The following PI4KA variants were observed in gnomAD, a reference collection of about 807,000 sequenced individuals.
PI4KA encodes the protein phosphatidylinositol 4-kinase alpha.
PI4KA carries 122 observed loss-of-function variants against 271.4 expected under a neutral mutation model. The ratio of observed to expected loss-of-function variants is 0.45; its 90% CI spans 0.39 to 0.52. The LOEUF is 0.52. PI4KA is among the 20% of genes least tolerant of loss of function. The pLI is 0.00. For synonymous variants in PI4KA, 1,041 were observed against 1,078.8 expected, an observed-to-expected ratio of 0.96 and a Z score of 0.69; for missense variants, 1,969 against 2,769.1, an observed-to-expected ratio of 0.71 and a Z score of 6.48.
intron 17 of PI4KA, among the ~76,000 whole-genome samples, chr22:20,797,854 C>T (rs1490403284): frequency 6.6e-6 from 1 of 152,122 alleles, no homozygotes; most frequent in East Asian, 1.9e-4. Context: ...AGAAGAGTAA[C>T]GCCTGCAAAG....
intron 1 of PI4KA, among the ~76,000 whole-genome samples, chr22:20,854,643 G>A (rs546832503): frequency 6.6e-6 from 1 of 152,230 alleles, no homozygotes; most frequent in African/African-American, 2.4e-5. Context: ...GTCTGGTTCT[G>A]CAAACTTAGC....
intron 9 of PI4KA, among the ~76,000 whole-genome samples, chr22:20,809,654 T>A (rs954821393): frequency 2.6e-5 from 4 of 152,052 alleles, no homozygotes; most frequent in African/African-American, 9.7e-5. Context: ...ACACTTATGA[T>A]GGAAAACCAA....
intron 17 of PI4KA, among the ~76,000 whole-genome samples, chr22:20,796,660 A>T (rs1490028008): frequency 6.6e-6 from 1 of 152,260 alleles, no homozygotes; most frequent in Admixed American, 6.5e-5. Flanking sequence ...GCCCATGCCC[A>T]GGCATTCCAG....
chr22:20,747,696 G>T lies in PI4KA; in HGVS notation c.3250C>A (p.Leu1084Met), dbSNP rs761811312. ...GATACCCAGTTCTGATGTTTGTTCA[G>T]ATATTCCTGAAATAGGAAAAACACA... The part of the protein sequence containing the change: ...TVTKSHLQEY[L>M]NKHQNWVSGL... Residue 1084 changes from leucine to methionine, a missense_variant, in exon 29 of 55, where the codon CTG becomes ATG. By Grantham distance (15) the Leu-to-Met change is conservative. Transcript: ENST00000255882. The T allele has an allele frequency of 2.1e-5, 34 of 1,612,790 alleles. No homozygotes were observed. Among genetic ancestry groups the T allele is most frequent in the Non-Finnish European group, 2.1e-5 (25 of 1,179,088 alleles).
At chr22:20,771,013 T>C (rs2147431123) in intron 19 of PI4KA, among the ~76,000 whole-genome samples, 1 of 152,206 alleles carries the variant, frequency 6.6e-6, no homozygotes, top group South Asian at 2.1e-4. Context: ...GACCCCGCTT[T>C]TTTCTAACTA....
intron 29 of PI4KA, among the ~76,000 whole-genome samples, chr22:20,745,667 C>T (rs1479537328): frequency 6.6e-6 from 1 of 152,124 alleles, no homozygotes; most frequent in Non-Finnish European, 1.5e-5. Context: ...CGGTCTTTGG[C>T]ACCAAGCAGG....
chr22:20,815,764 G>A (rs1383510627), intron 7 of PI4KA, among the ~76,000 whole-genome samples: 2 of 152,088 alleles, frequency 1.3e-5, no homozygotes, highest in Non-Finnish European at 2.9e-5. Flanking sequence ...AAGGGTAGAT[G>A]AGGGAGAAGG....
At position 20,801,982 on chromosome 22, in the gene PI4KA, T is replaced by C. The variant is rs1178076536; in HGVS notation, c.1715A>G (p.Asn572Ser). Residue 572 changes from asparagine to serine, a missense_variant, in exon 14 of 55, where the codon AAC (asparagine) becomes AGC (serine). By Grantham distance (46) the Asn-to-Ser change is conservative. Around this residue, in one of 13 missense-constraint regions of PI4KA, gnomAD observed 228 missense variants for 261.6 expected, o/e 0.87. Transcript: ENST00000255882. ...TTGCCCAGCTTCCCACCTGCAGATG[T>C]TGTCAATAGCGATGTCTCGGAGCTG... ...YEQLRDIAIDNICRCLKAGLT... is the reference protein window; with the variant it reads ...YEQLRDIAIDSICRCLKAGLT... 6.2e-7 allele frequency: 1 copy of C among 1,614,116 alleles called. No individual in the cohort carries two copies. The highest frequency in any genetic ancestry group is 8.5e-7 in the Non-Finnish European group (1 of 1,179,986).
At chr22:20,852,268 A>G (rs2147824755) in intron 1 of PI4KA, among the ~76,000 whole-genome samples, 1 of 152,378 alleles carries the variant, frequency 6.6e-6, no homozygotes, top group South Asian at 2.1e-4. Flanking sequence ...CTGCAAACAC[A>G]GACAGCAGAA....
chr22:20,751,191 G>A (rs756131325), intron 27 of PI4KA, 102 bp downstream of exon 27: 20 of 904,410 alleles, frequency 2.2e-5, no homozygotes, highest in Non-Finnish European at 3.3e-5. Flanking sequence ...ACCTCAAATT[G>A]CTGGGGACTG....
At chr22:20,781,933 G>C (rs555813499) in intron 19 of PI4KA, among the ~76,000 whole-genome samples, 2 of 152,190 alleles carry the variant, frequency 1.3e-5, no homozygotes, top group African/African-American at 4.8e-5. Flanking sequence ...AACCATAAGC[G>C]ATGGCAATGC....
chr22:20,741,507 C>T lies in PI4KA; in HGVS notation c.3741+721G>A, dbSNP rs945080753. Among the ~76,000 whole-genome samples the T allele has an allele frequency of 1.2e-4, 19 of 152,110 alleles. No homozygotes were observed. In the South Asian group the frequency reaches 1.5e-3, roughly 12 times the overall value. On this transcript the variant is annotated intron_variant, in intron 32 of 54. Transcript: ENST00000255882. ...ACTGGACCAAAATGTTTCCTAACAG[C>T]GCTCAATGGTGTGATTGATACAAAC...
intron 30 of PI4KA, among the ~76,000 whole-genome samples, chr22:20,743,861 T>C (rs1046741913): frequency 2.6e-5 from 4 of 152,018 alleles, no homozygotes. Context: ...AAGACCGTCC[T>C]GGCTAACACA....
chr22:20,794,147 C>T (rs887033532), intron 18 of PI4KA, among the ~76,000 whole-genome samples: 4 of 152,236 alleles, frequency 2.6e-5, no homozygotes, highest in African/African-American at 9.6e-5. Context: ...TTTCCCTGGG[C>T]TGGGGGCCAC....
At chr22:20,728,001 C>A in intron 39 of PI4KA, 137 bp from the exon 40 acceptor site, 2 of 580,796 alleles carry the variant, frequency 3.4e-6, no homozygotes, top group South Asian at 2.4e-5. Context: ...GGCTTGGGTA[C>A]AAACAAATAG....
intron 19 of PI4KA, among the ~76,000 whole-genome samples, chr22:20,770,556 C>T (rs1173770012): frequency 1.6e-5 from 2 of 128,580 alleles, no homozygotes; most frequent in East Asian, 2.5e-4. Flanking sequence ...ATCGGTTTTG[C>T]TATGTTGCCC....
chr22:20,736,533 A>T (rs540368438), intron 32 of PI4KA: 1 of 154,010 alleles, frequency 6.5e-6, no homozygotes, highest in South Asian at 2.0e-4. Context: ...GGATGCTGGG[A>T]CTTGTCAGAT....
intron 23 of PI4KA, among the ~76,000 whole-genome samples, chr22:20,756,680 G>C (rs1376823511): frequency 6.6e-6 from 1 of 152,058 alleles, no homozygotes; most frequent in Non-Finnish European, 1.5e-5. Context: ...GCCCAGGCTG[G>C]AGCGCAGTGG....
chr22:20,734,515 C>T lies in PI4KA; in HGVS notation c.3780G>A (p.Val1260=), dbSNP rs1355093976. 1 of 1,613,984 alleles carries T rather than the reference C, an allele frequency of 6.2e-7. No homozygotes were observed. The highest frequency in any genetic ancestry group is 1.1e-5 in the South Asian group (1 of 91,076). Residue 1260 remains valine, a synonymous_variant, in exon 33 of 55, where the codon GTG becomes GTA. Coordinates refer to ENST00000255882, the MANE Select transcript of PI4KA (RefSeq NM_058004.4). ...CAGAAAACAGGCCAAATTTCTGCTC[C>T]ACCGTCATGTGCCAGGCCCCTGCCA... The part of the protein sequence containing the change: ...REMAGAWHMT[V]EQKFGLFSAE...
Sources: gnomAD v4.1 joint callset for allele counts (sites outside exome capture counted in the v4.1 genomes callset) on GRCh38, gnomAD v4.1.1 for gene constraint, gnomAD v4.1.1 regional missense constraint, MANE v1.5 for transcripts, NCBI Gene and HGNC (gene_info 2026-07-23, HGNC 2026-07-21) for gene names.